Variants in BABAM2 observed in about 807,000 individuals in gnomAD.
BABAM2 encodes the protein BRISC and BRCA1 A complex member 2, also known as BRISC and BRCA1-A complex member 2.
Under a neutral mutation model 54.7 loss-of-function variants are expected in BABAM2, and 31 were observed. The ratio of observed to expected loss-of-function variants is 0.57; its 90% CI spans 0.43 to 0.77. The LOEUF (loss-of-function observed/expected upper bound fraction) is 0.77. Ranked by LOEUF, BABAM2 falls within the 30% of genes least tolerant of loss-of-function variation. BABAM2 has a pLI of 0.00. For missense variants in BABAM2, 364 were observed against 455.8 expected (o/e 0.80, Z 1.83); for synonymous variants, 167 against 162.9 (o/e 1.03, Z -0.19).
chr2:28,201,981 G>T (rs1678326576), intron 7 of BABAM2, among the ~76,000 whole-genome samples: 1 of 152,158 alleles, frequency 6.6e-6, no homozygotes, highest in Non-Finnish European at 1.5e-5. Flanking sequence ...TGAGCCACGG[G>T]GCCCAGTTGG....
intron 3 of BABAM2, among the ~76,000 whole-genome samples, 176 bp from the exon 4 acceptor site, chr2:27,987,814 CAAA>C (rs201176376): frequency 2.9e-4 from 18 of 62,138 alleles, no homozygotes; most frequent in Admixed American, 3.6e-4. Context: ...GACCCTGTCT[CAAA>C]AAAAAAAAAA....
intron 5 of BABAM2, among the ~76,000 whole-genome samples, chr2:28,031,290 T>C (rs1028781392): frequency 1.3e-5 from 2 of 152,210 alleles, no homozygotes; most frequent in African/African-American, 4.8e-5. Flanking sequence ...CTCAGGTGTT[T>C]CGTGGAATGT....
intron 3 of BABAM2, among the ~76,000 whole-genome samples, chr2:27,972,730 T>C (rs987897279): frequency 7.2e-5 from 11 of 151,798 alleles, no homozygotes; most frequent in Admixed American, 5.2e-4. Context: ...AAATAAAATA[T>C]AAAGGTTACA....
intron 3 of BABAM2, among the ~76,000 whole-genome samples, chr2:27,966,400 A>G (rs1218105384): frequency 4.6e-5 from 7 of 152,152 alleles, no homozygotes; most frequent in Non-Finnish European, 5.9e-5. Context: ...TTGTTAATAT[A>G]TCATTAACTC....
intron 10 of BABAM2, among the ~76,000 whole-genome samples, chr2:28,246,065 G>A (rs1237235071): frequency 1.3e-5 from 2 of 152,180 alleles, no homozygotes; most frequent in African/African-American, 4.8e-5. Flanking sequence ...GTTTTAAGGA[G>A]ATGGGCCTCT....
At chr2:28,316,083 A>G (rs1689528631) in intron 11 of BABAM2, among the ~76,000 whole-genome samples, 1 of 152,190 alleles carries the variant, frequency 6.6e-6, no homozygotes, top group South Asian at 2.1e-4. Context: ...TTAAATTTCA[A>G]ATAAACAACA....
chr2:27,993,743 A>C (rs1320743959), intron 4 of BABAM2, among the ~76,000 whole-genome samples: 1 of 152,144 alleles, frequency 6.6e-6, no homozygotes, highest in Non-Finnish European at 1.5e-5. Context: ...ACCTAATGCT[A>C]CTGCAGGTAT....
chr2:27,973,345 T>A (rs1055013289), intron 3 of BABAM2, among the ~76,000 whole-genome samples: 7 of 152,112 alleles, frequency 4.6e-5, no homozygotes, highest in African/African-American at 1.4e-4. Context: ...CCTGGCACTA[T>A]GCACTGGGCA....
intron 5 of BABAM2, among the ~76,000 whole-genome samples, chr2:28,034,488 C>T (rs763344727): frequency 6.6e-5 from 10 of 152,158 alleles, no homozygotes; most frequent in African/African-American, 2.2e-4. Context: ...CAATAAGTGC[C>T]GCTTCAATGA....
At chr2:28,015,824 T>G (rs1674762989) in intron 4 of BABAM2, 1 of 916,576 alleles carries the variant, frequency 1.1e-6, no homozygotes, top group Admixed American at 2.5e-5. Flanking sequence ...TTTTCTGTTT[T>G]GTTTTTTTCT....
At chr2:28,150,886 A>C (rs79736725) in intron 7 of BABAM2, among the ~76,000 whole-genome samples, 14,596 of 152,234 alleles carry the variant, frequency 0.096, 765 homozygotes, top group East Asian at 0.15. Flanking sequence ...GTATTTTTTA[A>C]AAAAAACAAT....
chr2:27,956,683 C>T (rs1334290538), intron 3 of BABAM2, among the ~76,000 whole-genome samples: 1 of 152,092 alleles, frequency 6.6e-6, no homozygotes, highest in Non-Finnish European at 1.5e-5. Flanking sequence ...AAAGCAGCAG[C>T]ATAGTTTCTG....
intron 4 of BABAM2, among the ~76,000 whole-genome samples, chr2:28,013,215 A>G (rs563203307): frequency 6.6e-6 from 1 of 152,290 alleles, no homozygotes; most frequent in African/African-American, 2.4e-5. Context: ...GGAGGAAACT[A>G]GACATGTGAA....
At position 27,982,644 on chromosome 2, in the gene BABAM2, A is replaced by G. The variant is rs376511117; in HGVS notation, c.206-5349A>G. 1.5e-4 allele frequency among the ~76,000 whole-genome samples: 22 copies of G among 150,746 alleles called. No homozygotes were observed. In the South Asian group the frequency reaches 4.6e-3, roughly 32 times the overall value. ...GGATAAAATATACTTAACAAAATTT[A>G]CCATATTAACCATTTTTAAGTGTAC... On this transcript the variant is annotated intron_variant, in intron 3 of 11. Transcript: ENST00000379624.
intron 7 of BABAM2, among the ~76,000 whole-genome samples, chr2:28,185,594 G>A (rs1676192596): frequency 6.6e-6 from 1 of 152,044 alleles, no homozygotes; most frequent in Admixed American, 6.6e-5. Flanking sequence ...TTTTGTATAA[G>A]TAATCCCCTT....
intron 7 of BABAM2, among the ~76,000 whole-genome samples, chr2:28,129,790 G>A (rs1266793086): frequency 6.6e-6 from 1 of 152,102 alleles, no homozygotes; most frequent in Non-Finnish European, 1.5e-5. Context: ...AAAATATTTA[G>A]CAAAAACTGA....
rs143988503 is a variant in BABAM2 at position 28,273,286 on chromosome 2, G to A, written c.935-25052G>A. Among the ~76,000 whole-genome samples the A allele has an allele frequency of 8.4e-3, 1,280 of 152,290 alleles. 13 individuals are homozygous for A. Among genetic ancestry groups the A allele is most frequent in the African/African-American group, 0.029 (1,205 of 41,552 alleles). ...GTGCAGTGGTTCATGCCCTGACTAC[G>A]TCAGAACCCCTGAGAGCCTTGGCAG... On this transcript the variant is annotated intron_variant, in intron 10 of 11. Coordinates refer to ENST00000379624, the MANE Select transcript of BABAM2 (RefSeq NM_199191.3).
chr2:28,198,607 G>A (rs1181242971), intron 7 of BABAM2, among the ~76,000 whole-genome samples: 1 of 152,120 alleles, frequency 6.6e-6, no homozygotes, highest in Non-Finnish European at 1.5e-5. Flanking sequence ...CATAGTACCT[G>A]TCCTTCCTTC....
chr2:28,277,783 G>A (rs1394324139), intron 10 of BABAM2, among the ~76,000 whole-genome samples: 1 of 152,204 alleles, frequency 6.6e-6, no homozygotes, highest in Non-Finnish European at 1.5e-5. Context: ...GCAAACATTT[G>A]AGTATCTACT....
Sources: gnomAD v4.1 joint callset for allele counts (sites outside exome capture counted in the v4.1 genomes callset) on GRCh38, gnomAD v4.1.1 for gene constraint, MANE v1.5 for transcripts, NCBI Gene and HGNC (gene_info 2026-07-23, HGNC 2026-07-21) for gene names.